The following USP4 variants were observed in gnomAD, a reference collection of about 807,000 sequenced individuals.
USP4 encodes the protein ubiquitin specific peptidase 4.
In USP4, 72 loss-of-function variants were observed where a neutral mutation model predicts 118.2. That is an observed-to-expected ratio of 0.61 (90% CI 0.50 to 0.74). The LOEUF is 0.74. USP4 is among the 30% of genes least tolerant of loss of function. The pLI is 0.00. For missense variants in USP4, 1,037 were observed against 1,185.7 expected, an observed-to-expected ratio of 0.87 and a Z score of 1.84; for synonymous variants, 415 against 440.4, an observed-to-expected ratio of 0.94 and a Z score of 0.72.
chr3:49,327,294 T>C (rs1483234897), intron 3 of USP4, among the ~76,000 whole-genome samples: 1 of 151,962 alleles, frequency 6.6e-6, no homozygotes, highest in Non-Finnish European at 1.5e-5. Context: ...TCCCACCACT[T>C]TGGGGGGCCG....
Position 49,302,449 on chromosome 3 carries a change from C to G in USP4, c.1222G>C (p.Asp408His). Residue 408 changes from aspartate (D) to histidine (H), a missense_variant, in exon 10 of 22, where the codon GAT becomes CAT. Physicochemically the swap from Asp to His is moderately conservative, Grantham distance 81. Coordinates refer to ENST00000265560, the MANE Select transcript of USP4 (RefSeq NM_003363.4). ...GGCTTTTTCTTTACCCGGTTCAGAT[C>G]TTCATGCAATCCATCTAGAAGAAAG... ...LAFLLDGLHE[D>H]LNRVKKKPYL... 6.2e-7 allele frequency: 1 copy of G among 1,614,182 alleles called. No individual in the cohort carries two copies. Among genetic ancestry groups the G allele is most frequent in the Non-Finnish European group, 8.5e-7 (1 of 1,180,038 alleles).
intron 6 of USP4, among the ~76,000 whole-genome samples, chr3:49,316,159 G>A (rs1249158515): frequency 2.0e-5 from 3 of 151,930 alleles, no homozygotes; most frequent in African/African-American, 4.8e-5. Context: ...CCGAGATCGC[G>A]CCATTGCACT....
chr3:49,328,776 C>A (rs1000375290), intron 2 of USP4, among the ~76,000 whole-genome samples: 2 of 151,680 alleles, frequency 1.3e-5, no homozygotes, highest in Admixed American at 1.3e-4. Context: ...ATAAGAATTG[C>A]TTGAACCCAG....
intron 8 of USP4, 75 bp from the exon 9 acceptor site, chr3:49,305,963 A>C (rs1460470151): frequency 1.1e-5 from 15 of 1,391,892 alleles, no homozygotes; most frequent in Non-Finnish European, 1.1e-5. Context: ...CAAGTTCTAA[A>C]GGGTCACTGA....
At chr3:49,294,694 C>T in intron 13 of USP4, 96 bp from the exon 14 acceptor site, 1 of 1,206,918 alleles carries the variant, frequency 8.3e-7, no homozygotes, top group Non-Finnish European at 1.2e-6. Context: ...GCTATGATTA[C>T]TGGGACAGAG....
At chr3:49,322,866 A>G (rs566064472) in intron 6 of USP4, among the ~76,000 whole-genome samples, 264 of 152,074 alleles carry the variant, frequency 1.7e-3, no homozygotes, top group Non-Finnish European at 3.1e-3. Flanking sequence ...CAGGGAAAAA[A>G]AAAAAAGAAA....
intron 15 of USP4, among the ~76,000 whole-genome samples, chr3:49,290,811 G>A (rs751058299): frequency 1.3e-5 from 2 of 150,716 alleles, no homozygotes; most frequent in South Asian, 2.2e-4. Flanking sequence ...CATCGCACCC[G>A]TCTGCAACTG....
At chr3:49,285,991 G>A (rs2047087114) in intron 16 of USP4, 107 bp downstream of exon 16, 1 of 1,034,880 alleles carries the variant, frequency 9.7e-7, no homozygotes, top group African/African-American at 1.6e-5. Flanking sequence ...TGCTCCTGGA[G>A]GCACAGAGAC....
chr3:49,333,770 G>T (rs1169870402), intron 2 of USP4, among the ~76,000 whole-genome samples: 1 of 152,192 alleles, frequency 6.6e-6, no homozygotes, highest in Non-Finnish European at 1.5e-5. Context: ...GGGCATGGTG[G>T]CTCATGCCTG....
intron 2 of USP4, among the ~76,000 whole-genome samples, chr3:49,330,353 A>G (rs557093395): frequency 6.6e-6 from 1 of 151,418 alleles, no homozygotes; most frequent in African/African-American, 2.4e-5. Context: ...TTTTTGAGAC[A>G]GTCTCGCTGT....
chr3:49,303,372 C>T (rs769037071), intron 9 of USP4, among the ~76,000 whole-genome samples: 2 of 132,868 alleles, frequency 1.5e-5, no homozygotes, highest in Non-Finnish European at 3.1e-5. Flanking sequence ...ACCCAGGAGG[C>T]GGAGGCTGCA....
intron 9 of USP4, among the ~76,000 whole-genome samples, chr3:49,303,154 G>T (rs1026096631): frequency 3.3e-5 from 5 of 152,116 alleles, no homozygotes; most frequent in Non-Finnish European, 7.4e-5. Flanking sequence ...ATCCTATGGA[G>T]AACCAGCCAG....
At chr3:49,278,738 A>C in intron 21 of USP4, 76 bp downstream of exon 21, 1 of 1,188,024 alleles carries the variant, frequency 8.4e-7, no homozygotes, top group Non-Finnish European at 1.2e-6. Flanking sequence ...GAAATAACCA[A>C]CTAGCCTGAT....
At chr3:49,339,851 T>C in intron 1 of USP4, 73 bp downstream of exon 1, 1 of 1,293,250 alleles carries the variant, frequency 7.7e-7, no homozygotes, top group South Asian at 1.2e-5. Flanking sequence ...GCCCCTACTC[T>C]AGCCGAGAAA....
intron 18 of USP4, 35 bp downstream of exon 18, chr3:49,284,431 T>TG (rs757657992): frequency 6.4e-7 from 1 of 1,563,514 alleles, no homozygotes; most frequent in Non-Finnish European, 8.8e-7. Context: ...CTGGGGTGCA[T>TG]GGGGCCTCTG....
chr3:49,294,426 C>T lies in USP4; in HGVS notation c.1864G>A (p.Ala622Thr), dbSNP rs1298562658. The T allele has an allele frequency of 1.2e-6, 2 of 1,613,440 alleles. No individual in the cohort carries two copies. Among genetic ancestry groups the T allele is most frequent in the African/African-American group, 1.3e-5 (1 of 74,902 alleles). The change falls in exon 14 of 22, where the codon GCT (alanine) becomes ACT (threonine). Residue 622 changes from alanine (A) to threonine (T), a missense_variant. Transcript: ENST00000265560. Reference protein sequence around the residue: ...HKLTLESLYQAVCDRISRYVK... With the variant: ...HKLTLESLYQTVCDRISRYVK... ...ACCAACCTGATACGATCACAAACAG[C>T]CTGGTACAAAGACTCAAGGGTTAAC...
intron 6 of USP4, chr3:49,314,148 A>T (rs974918675): frequency 6.6e-6 from 1 of 152,230 alleles, no homozygotes; most frequent in Non-Finnish European, 1.5e-5. Flanking sequence ...ATGGGATCTG[A>T]TCTCAACTTG....
intron 11 of USP4, among the ~76,000 whole-genome samples, chr3:49,299,292 G>T (rs934695312): frequency 8.6e-5 from 13 of 151,612 alleles, no homozygotes; most frequent in Admixed American, 6.6e-4. Context: ...GTTTCACCAT[G>T]TTGGTCAGGG....
Position 49,298,576 on chromosome 3 carries a change from C to T in USP4, c.1572G>A (p.Arg524=). Residue 524 remains arginine, a synonymous_variant, in exon 12 of 22, where the codon AGG becomes AGA. Transcript: ENST00000265560. The stretch of plus-strand genomic sequence containing the variant: ...CATTTTCTGCAGCAATGCCAGACAG[C>T]CTGGAGAGAGCCTCGCACAGGTCGG... ...AVSDLCEALS[R]LSGIAAENMV... 1 of 1,614,180 alleles carries T rather than the reference C, an allele frequency of 6.2e-7. No homozygotes were observed. The highest frequency in any genetic ancestry group is 8.5e-7 in the Non-Finnish European group (1 of 1,180,028).
Sources: gnomAD v4.1 joint callset for allele counts (sites outside exome capture counted in the v4.1 genomes callset) on GRCh38, gnomAD v4.1.1 for gene constraint, MANE v1.5 for transcripts, NCBI Gene and HGNC (gene_info 2026-07-23, HGNC 2026-07-21) for gene names.